The following LYPD6B variants were observed in gnomAD, a reference collection of about 807,000 sequenced individuals.
LYPD6B encodes the protein ly6/PLAUR domain-containing protein 6B.
Under a neutral mutation model 22.8 loss-of-function variants are expected in LYPD6B, and 17 were observed. The ratio of observed to expected loss-of-function variants is 0.75; its 90% CI spans 0.51 to 1.12. The LOEUF (loss-of-function observed/expected upper bound fraction) is 1.12, where lower values mean the gene tolerates loss of function less well. Among genes scored for constraint, LYPD6B ranks in the 50% most tolerant of loss-of-function variants. The probability of loss-of-function intolerance (pLI) is 0.00; values close to 1 mark genes in which losing one functional copy is unlikely to be tolerated. For missense variants in LYPD6B, 221 were observed against 258.3 expected (o/e 0.86, Z 0.99); for synonymous variants, 106 against 91.6 (o/e 1.16, Z -0.90).
intron 2 of LYPD6B, among the ~76,000 whole-genome samples, chr2:149,135,581 G>T (rs1688312477): frequency 1.3e-5 from 2 of 151,904 alleles, no homozygotes; most frequent in African/African-American, 2.4e-5. Flanking sequence ...TAAGCCAGGG[G>T]TGGTGGCAGG....
At chr2:149,057,149 A>G (rs1917585) in intron 1 of LYPD6B, among the ~76,000 whole-genome samples, 45,274 of 151,856 alleles carry the variant, frequency 0.3, 7,493 homozygotes, top group Non-Finnish European at 0.37. Context: ...TGACTCATGT[A>G]TTTTCATTTT....
chr2:149,139,684 T>C (rs1415684036), intron 2 of LYPD6B, among the ~76,000 whole-genome samples: 7 of 152,170 alleles, frequency 4.6e-5, no homozygotes, highest in Admixed American at 2.0e-4. Flanking sequence ...TTAAAACAAA[T>C]ATCTTATTCA....
chr2:149,040,203 GTCTC>G lies in LYPD6B; in HGVS notation c.-67+1418_-67+1421del, dbSNP rs34538721. 2.6e-3 allele frequency among the ~76,000 whole-genome samples: 374 copies of G among 144,024 alleles called. 3 individuals are homozygous for G. The highest frequency in any genetic ancestry group is 1.9e-3 in the Non-Finnish European group (127 of 65,630). The allele number at this position is 144,024 out of a possible 152,430, so 94.5% of individuals were successfully genotyped here. On this transcript the variant is annotated intron_variant, in intron 1 of 6. Coordinates refer to ENST00000409642, the MANE Select transcript of LYPD6B (RefSeq NM_177964.5). ...TCTATCCGTATAGCAGTCTCTCTCT[GTCTC>G]TCTCTCTCTCTCTCTTTTTTTTTTT...
chr2:149,103,771 C>CTTTTTTTT (rs56739458), intron 1 of LYPD6B, among the ~76,000 whole-genome samples: 38 of 74,324 alleles, frequency 5.1e-4, no homozygotes, highest in Non-Finnish European at 6.1e-4. Context: ...TTGTGCATAT[C>CTTTTTTTT]TTTTTTTTTT....
At chr2:149,137,074 G>C (rs1688411577) in intron 2 of LYPD6B, among the ~76,000 whole-genome samples, 1 of 152,226 alleles carries the variant, frequency 6.6e-6, no homozygotes, top group East Asian at 1.9e-4. Context: ...GGCAGTCTAA[G>C]GAGAGTGAAG....
chr2:149,200,024 CTG>C, intron 3 of LYPD6B, among the ~76,000 whole-genome samples: 1 of 152,344 alleles, frequency 6.6e-6, no homozygotes, highest in Middle Eastern at 3.4e-3. Context: ...GTCTTTTTGT[CTG>C]TTCCATTCTT....
chr2:149,057,129 C>T (rs1683839129), intron 1 of LYPD6B, among the ~76,000 whole-genome samples: 1 of 152,094 alleles, frequency 6.6e-6, no homozygotes, highest in African/African-American at 2.4e-5. Flanking sequence ...TAAGTCAATT[C>T]AGACTCGTAT....
intron 3 of LYPD6B, among the ~76,000 whole-genome samples, chr2:149,182,727 T>G (rs1691827677): frequency 6.6e-6 from 1 of 152,184 alleles, no homozygotes; most frequent in Non-Finnish European, 1.5e-5. Flanking sequence ...AATCTCAGAC[T>G]GTCAGGATAT....
Position 149,160,757 on chromosome 2 carries a change from C to G in LYPD6B, c.6-7C>G, listed in dbSNP as rs775165039. 9.0e-6 allele frequency: 14 copies of G among 1,549,488 alleles called. No individual in the cohort carries two copies. In the South Asian group the frequency reaches 1.5e-4, roughly 17 times the overall value. On this transcript the variant is annotated splice_region_variant and splice_polypyrimidine_tract_variant and intron_variant, in intron 2 of 6. Transcript: ENST00000409642. ...GCTCTTTCCTTATCTTTTTTTATCT[C>G]TGGTAGGCTGATTACTCTGAGTGCA... is the stretch of plus-strand genomic sequence containing the variant.
intron 1 of LYPD6B, among the ~76,000 whole-genome samples, chr2:149,057,051 T>C (rs1683835646): frequency 6.6e-6 from 1 of 152,214 alleles, no homozygotes; most frequent in Non-Finnish European, 1.5e-5. Flanking sequence ...AAGTCATCTT[T>C]CCAGAAAAGA....
At chr2:149,079,317 A>G (rs1039915971) in intron 1 of LYPD6B, among the ~76,000 whole-genome samples, 1 of 152,184 alleles carries the variant, frequency 6.6e-6, no homozygotes, top group Non-Finnish European at 1.5e-5. Context: ...ACTAAATCGA[A>G]TCTAGATGTT....
chr2:149,181,136 C>A (rs1348274506), intron 3 of LYPD6B, among the ~76,000 whole-genome samples: 1 of 152,118 alleles, frequency 6.6e-6, no homozygotes, highest in Non-Finnish European at 1.5e-5. Context: ...CCTCTCAATT[C>A]CCCTTCATCT....
chr2:149,151,359 G>A (rs754342691), intron 2 of LYPD6B, among the ~76,000 whole-genome samples: 2 of 152,156 alleles, frequency 1.3e-5, no homozygotes, highest in Non-Finnish European at 2.9e-5. Flanking sequence ...TATTCAGACT[G>A]TGGCTGAATC....
chr2:149,044,044 T>TACA (rs1265890733), intron 1 of LYPD6B, among the ~76,000 whole-genome samples: 1 of 152,092 alleles, frequency 6.6e-6, no homozygotes, highest in Non-Finnish European at 1.5e-5. Flanking sequence ...TTAGAATACA[T>TACA]TTTGGAAGCA....
intron 1 of LYPD6B, among the ~76,000 whole-genome samples, chr2:149,073,881 G>A (rs973303201): frequency 6.6e-6 from 1 of 151,912 alleles, no homozygotes; most frequent in African/African-American, 2.4e-5. Flanking sequence ...GCAACCTCGG[G>A]TGAGGGCGTG....
chr2:149,173,505 T>A (rs1691016139), intron 3 of LYPD6B, among the ~76,000 whole-genome samples: 3 of 152,186 alleles, frequency 2.0e-5, no homozygotes, highest in Admixed American at 2.0e-4. Flanking sequence ...TTAACTACAA[T>A]AAATGACAGA....
chr2:149,080,201 TG>T (rs1325607019), intron 1 of LYPD6B, among the ~76,000 whole-genome samples: 1 of 152,218 alleles, frequency 6.6e-6, no homozygotes, highest in Non-Finnish European at 1.5e-5. Context: ...GCCTCTCTCC[TG>T]GCTTCTGGTA....
intron 3 of LYPD6B, among the ~76,000 whole-genome samples, chr2:149,166,979 T>C (rs945987007): frequency 1.3e-5 from 2 of 152,090 alleles, no homozygotes; most frequent in African/African-American, 4.8e-5. Flanking sequence ...CCCATACCAG[T>C]GGAAACCCTG....
rs564931697 is a variant in LYPD6B, at chr2:149,090,203, G to T, written c.-66-40680G>T. 4.6e-5 allele frequency among the ~76,000 whole-genome samples: 7 copies of T among 152,194 alleles called. No individual in the cohort carries two copies. In the South Asian group the frequency reaches 8.3e-4, roughly 18 times the overall value. On this transcript the variant is annotated intron_variant, in intron 1 of 6. Coordinates refer to ENST00000409642, the MANE Select transcript of LYPD6B (RefSeq NM_177964.5). The stretch of plus-strand genomic sequence containing the variant: ...AGGTGATATCCTTAAGAAAGACTTT[G>T]TATTTCAGAAATATGTGAATTCATC...
Sources: gnomAD v4.1 joint callset for allele counts (sites outside exome capture counted in the v4.1 genomes callset) on GRCh38, gnomAD v4.1.1 for gene constraint, MANE v1.5 for transcripts, NCBI Gene and HGNC (gene_info 2026-07-23, HGNC 2026-07-21) for gene names.